SLC25A12: variants seen among roughly 807,000 people sequenced by gnomAD.
The protein encoded by SLC25A12 is solute carrier family 25 member 12, also known as electrogenic aspartate/glutamate antiporter SLC25A12, mitochondrial.
In SLC25A12, 32 loss-of-function variants were observed where a neutral mutation model predicts 83.3. The ratio of observed to expected loss-of-function variants is 0.38; its 90% CI spans 0.29 to 0.52. The LOEUF is 0.52. SLC25A12 is among the 20% of genes least tolerant of loss of function. The probability of loss-of-function intolerance (pLI) is 0.84; values close to 1 mark genes in which losing one functional copy is unlikely to be tolerated. For missense variants in SLC25A12, 611 were observed against 835.6 expected, an observed-to-expected ratio of 0.73 and a Z score of 3.31; for synonymous variants, 267 against 291.1, an observed-to-expected ratio of 0.92 and a Z score of 0.84.
At chr2:171,889,049 T>G (rs192834784) in intron 2 of SLC25A12, among the ~76,000 whole-genome samples, 9 of 152,178 alleles carry the variant, frequency 5.9e-5, no homozygotes, top group African/African-American at 2.2e-4. Flanking sequence ...ACTCCTACTT[T>G]AAACTTTCAT....
At chr2:171,802,344 A>C (rs545214399) in intron 13 of SLC25A12, among the ~76,000 whole-genome samples, 6 of 152,336 alleles carry the variant, frequency 3.9e-5, no homozygotes, top group African/African-American at 1.4e-4. Context: ...ATTTATAGAT[A>C]CTACAAACAA....
Position 171,826,858 on chromosome 2 carries a change from C to G in SLC25A12, c.870G>C (p.Glu290Asp), listed in dbSNP as rs757002057. Reference protein sequence around the residue: ...ASGRLTLADIERIAPLAEGAL... With the variant: ...ASGRLTLADIDRIAPLAEGAL... ...CCCCCTCAGCCAATGGGGCTATTCT[C>G]TCAATATCTGCCAAAGTCAAGCGCC... The change falls in exon 9 of 18, where the codon GAG (glutamate) becomes GAC (aspartate). Residue 290 changes from glutamate to aspartate, a missense_variant. Physicochemically the swap from Glu to Asp is conservative, Grantham distance 45. Transcript: ENST00000422440. The G allele has an allele frequency of 6.8e-6, 11 of 1,610,652 alleles. No homozygotes were observed. The highest frequency in any genetic ancestry group is 8.5e-6 in the Non-Finnish European group (10 of 1,177,248).
intron 9 of SLC25A12, among the ~76,000 whole-genome samples, chr2:171,825,610 C>T (rs894703259): frequency 6.6e-6 from 1 of 152,004 alleles, no homozygotes; most frequent in Non-Finnish European, 1.5e-5. Flanking sequence ...CTTCTTTATC[C>T]ATGCCCTCCC....
chr2:171,795,966 A>G (rs1171449062), intron 13 of SLC25A12, among the ~76,000 whole-genome samples: 1 of 152,190 alleles, frequency 6.6e-6, no homozygotes, highest in Non-Finnish European at 1.5e-5. Context: ...TGTTTGTTTG[A>G]GACAGGGCCT....
intron 3 of SLC25A12, among the ~76,000 whole-genome samples, chr2:171,868,406 C>T (rs563048252): frequency 9.2e-4 from 139 of 151,278 alleles, no homozygotes; most frequent in African/African-American, 3.2e-3. Context: ...CTCCACCTCC[C>T]GGATTCAAGC....
chr2:171,853,760 A>C (rs1299786760), intron 4 of SLC25A12, among the ~76,000 whole-genome samples: 2 of 152,192 alleles, frequency 1.3e-5, no homozygotes, highest in African/African-American at 4.8e-5. Flanking sequence ...AAACTTAGCT[A>C]CTTCCTACAC....
Position 171,787,582 on chromosome 2 carries a change from A to C in SLC25A12, c.1824T>G (p.Asp608Glu). The C allele has an allele frequency of 6.2e-7, 1 of 1,613,696 alleles. No individual in the cohort carries two copies. The highest frequency in any genetic ancestry group is 1.1e-5 in the South Asian group (1 of 91,078). Reference sequence around the variant, plus strand: ...AGCAGCTGACTTACAGGCCTCCAAAATCAATGTAAAACCACCGCTGGAGAA... The same window carrying C: ...AGCAGCTGACTTACAGGCCTCCAAACTCAATGTAAAACCACCGCTGGAGAA... Reference protein sequence around the residue: ...YELLQRWFYIDFGGLKPAGSE... With the variant: ...YELLQRWFYIEFGGLKPAGSE... The change falls in exon 17 of 18, where the codon GAT (aspartate) becomes GAG (glutamate). Residue 608 changes from aspartate (D) to glutamate (E), a missense_variant. Physicochemically the swap from Asp to Glu is conservative, Grantham distance 45. This residue lies in a region of SLC25A12 where 540 missense variants were observed against 777.5 expected (regional missense o/e 0.69). Coordinates refer to ENST00000422440, the MANE Select transcript of SLC25A12 (RefSeq NM_003705.5).
chr2:171,881,482 G>A (rs992633357), intron 2 of SLC25A12, among the ~76,000 whole-genome samples: 6 of 152,142 alleles, frequency 3.9e-5, no homozygotes, highest in African/African-American at 1.4e-4. Context: ...TATGGGGAAA[G>A]ATCAGAAAGA....
intron 1 of SLC25A12, 76 bp from the exon 2 acceptor site, chr2:171,893,334 A>T: frequency 8.3e-7 from 1 of 1,205,662 alleles, no homozygotes; most frequent in Admixed American, 1.7e-5. Context: ...TAGAGGTCAC[A>T]TGGCTAACAA....
chr2:171,794,628 C>CT (rs891320437), intron 13 of SLC25A12, among the ~76,000 whole-genome samples: 1 of 150,530 alleles, frequency 6.6e-6, no homozygotes, highest in African/African-American at 2.4e-5. Context: ...CTACCAACTT[C>CT]TTTTTTTTGG....
At chr2:171,886,746 G>A (rs1574009331) in intron 2 of SLC25A12, among the ~76,000 whole-genome samples, 1 of 152,180 alleles carries the variant, frequency 6.6e-6, no homozygotes, top group East Asian at 1.9e-4. Context: ...TCCTGACCTT[G>A]TGATCCGCCC....
chr2:171,826,769 G>A, intron 9 of SLC25A12, 29 bp downstream of exon 9: 1 of 1,260,550 alleles, frequency 7.9e-7, no homozygotes, highest in Non-Finnish European at 1.2e-6. Flanking sequence ...ATTTTTTTAA[G>A]GTGATCATAT....
intron 1 of SLC25A12, among the ~76,000 whole-genome samples, chr2:171,893,566 C>G (rs1249180116): frequency 6.6e-6 from 1 of 152,164 alleles, no homozygotes; most frequent in Non-Finnish European, 1.5e-5. Flanking sequence ...CAGTAGTAAC[C>G]ACCCACCTTC....
chr2:171,804,629 A>T (rs1005554869), intron 13 of SLC25A12, among the ~76,000 whole-genome samples: 1 of 152,230 alleles, frequency 6.6e-6, no homozygotes, highest in Non-Finnish European at 1.5e-5. Flanking sequence ...AGTTGCCTAG[A>T]GGCCAAGTGC....
chr2:171,873,239 G>C (rs531153863), intron 2 of SLC25A12, among the ~76,000 whole-genome samples: 2 of 152,230 alleles, frequency 1.3e-5, no homozygotes, highest in African/African-American at 4.8e-5. Flanking sequence ...ACGAGGTCAG[G>C]AGATCGAGGC....
chr2:171,792,079 C>T (rs1683487801), intron 14 of SLC25A12, among the ~76,000 whole-genome samples: 1 of 151,772 alleles, frequency 6.6e-6, no homozygotes, highest in South Asian at 2.1e-4. Flanking sequence ...TCTCCTCATT[C>T]CCCATGTCCT....
At chr2:171,890,179 C>A (rs1343606482) in intron 2 of SLC25A12, among the ~76,000 whole-genome samples, 2 of 152,152 alleles carry the variant, frequency 1.3e-5, no homozygotes, top group Non-Finnish European at 1.5e-5. Flanking sequence ...TGCTACTGAA[C>A]AGTATTGTAT....
intron 14 of SLC25A12, among the ~76,000 whole-genome samples, chr2:171,792,053 A>C (rs1482136979): frequency 1.3e-5 from 2 of 152,126 alleles, no homozygotes; most frequent in East Asian, 3.9e-4. Flanking sequence ...CAGGGGGAAA[A>C]GAAACCCAAA....
chr2:171,788,248 G>T, intron 15 of SLC25A12: 1 of 262,644 alleles, frequency 3.8e-6, no homozygotes, highest in Non-Finnish European at 7.3e-6. Context: ...CAATTCCCAA[G>T]CGTTCCCTTT....
Sources: gnomAD v4.1 joint callset for allele counts (sites outside exome capture counted in the v4.1 genomes callset) on GRCh38, gnomAD v4.1.1 for gene constraint, gnomAD v4.1.1 regional missense constraint, MANE v1.5 for transcripts, NCBI Gene and HGNC (gene_info 2026-07-23, HGNC 2026-07-21) for gene names.